The following CENPP variants were observed in gnomAD, a reference collection of about 807,000 sequenced individuals.
The protein encoded by CENPP is centromere protein P.
Under a neutral mutation model 35.6 loss-of-function variants are expected in CENPP, and 24 were observed. The observed-to-expected ratio is 0.67, with a 90% CI of 0.49 to 0.95. The LOEUF (loss-of-function observed/expected upper bound fraction) is 0.95, where lower values mean the gene tolerates loss of function less well. Among genes scored for constraint, CENPP ranks in the 40% least tolerant of loss-of-function variants. The pLI is 0.00. For synonymous variants in CENPP, 120 were observed against 125.5 expected (o/e 0.96, Z 0.29); for missense variants, 332 against 345.3 (o/e 0.96, Z 0.31).
chr9:92,352,047 C>T (rs1841462071), intron 4 of CENPP, among the ~76,000 whole-genome samples: 1 of 146,170 alleles, frequency 6.8e-6, no homozygotes, highest in African/African-American at 2.5e-5. Flanking sequence ...TTTTTAAGCA[C>T]CACACAAGCT....
chr9:92,537,364 T>A (rs1326863326), intron 5 of CENPP, among the ~76,000 whole-genome samples: 1 of 152,080 alleles, frequency 6.6e-6, no homozygotes, highest in Non-Finnish European at 1.5e-5. Context: ...TATCTATTTT[T>A]AAAAATGTAA....
chr9:92,542,439 G>A (rs1849337591), intron 5 of CENPP, among the ~76,000 whole-genome samples: 1 of 150,972 alleles, frequency 6.6e-6, no homozygotes, highest in South Asian at 2.1e-4. Context: ...TGTGCTTTTG[G>A]AATTATATTC....
Position 92,615,833 on chromosome 9 carries a change from T to TA in CENPP, c.*2685dup, listed in dbSNP as rs767903418. On this transcript the variant is annotated 3_prime_UTR_variant, in exon 8 of 8. Transcript: ENST00000375587. ...TTCAAAGACACTGCAGGGAAAGAGTTAGACCTTGTGGAGAACTAATGTGCA... is the reference window on the plus strand; with the variant it reads ...TTCAAAGACACTGCAGGGAAAGAGTTAAGACCTTGTGGAGAACTAATGTGCA... 1.9e-6 allele frequency: 3 copies of TA among 1,608,900 alleles called. No homozygotes were observed. The highest frequency in any genetic ancestry group is 2.6e-6 in the Non-Finnish European group (3 of 1,175,300).
intron 5 of CENPP, among the ~76,000 whole-genome samples, chr9:92,410,812 T>TTTA (rs1194748500): frequency 1.3e-5 from 2 of 152,208 alleles, no homozygotes; most frequent in Non-Finnish European, 2.9e-5. Flanking sequence ...CTTTATGTGC[T>TTTA]TTATTATACC....
chr9:92,480,043 A>G (rs1226560487), intron 5 of CENPP, among the ~76,000 whole-genome samples: 1 of 152,190 alleles, frequency 6.6e-6, no homozygotes, highest in Non-Finnish European at 1.5e-5. Flanking sequence ...TTTTGAGTTT[A>G]TTAATGAGGT....
At chr9:92,436,024 A>G (rs752635466) in intron 5 of CENPP, among the ~76,000 whole-genome samples, 8 of 152,246 alleles carry the variant, frequency 5.3e-5, no homozygotes, top group Non-Finnish European at 1.0e-4. Flanking sequence ...CATTCCCACG[A>G]ACAGTGTATG....
chr9:92,453,035 C>T (rs1424131230), intron 5 of CENPP, among the ~76,000 whole-genome samples: 3 of 152,026 alleles, frequency 2.0e-5, no homozygotes, highest in Non-Finnish European at 2.9e-5. Context: ...TTTTGTTGAT[C>T]CTTTCAAAAA....
chr9:92,422,074 A>G (rs1843818955), intron 5 of CENPP, among the ~76,000 whole-genome samples: 1 of 151,692 alleles, frequency 6.6e-6, no homozygotes, highest in African/African-American at 2.4e-5. Context: ...TTTGGAGACA[A>G]GAGTCTCGTG....
intron 5 of CENPP, among the ~76,000 whole-genome samples, chr9:92,452,733 C>T (rs1343841086): frequency 6.6e-6 from 1 of 152,110 alleles, no homozygotes; most frequent in East Asian, 1.9e-4. Context: ...TGGTCCTGGA[C>T]TCTTTTTGGT....
In CENPP at chr9:92,469,892, G is replaced by A. The variant is rs1004304344; in HGVS notation, c.564+90033G>A. Among the ~76,000 whole-genome samples, 3 of 152,308 alleles carry A rather than the reference G, an allele frequency of 2.0e-5. No individual in the cohort carries two copies. In the Middle Eastern group the frequency reaches 0.01, roughly 518 times the overall value. On this transcript the variant is annotated intron_variant, in intron 5 of 7. Coordinates refer to ENST00000375587, the MANE Select transcript of CENPP (RefSeq NM_001012267.3). The stretch of plus-strand genomic sequence containing the variant: ...TTGGTTTGTTTTTGTTTTTAAGACA[G>A]GGTCTTACTGTGTCACCCAGGCTAG...
chr9:92,529,347 G>A (rs777175167), intron 5 of CENPP, among the ~76,000 whole-genome samples: 7 of 152,080 alleles, frequency 4.6e-5, no homozygotes, highest in Non-Finnish European at 7.4e-5. Context: ...AGTCTCATTC[G>A]GTGCTGGTGG....
chr9:92,515,742 A>G (rs995522832), intron 5 of CENPP, among the ~76,000 whole-genome samples: 1 of 152,194 alleles, frequency 6.6e-6, no homozygotes, highest in Non-Finnish European at 1.5e-5. Flanking sequence ...TCATAACATC[A>G]TCCTCTGAAA....
intron 4 of CENPP, among the ~76,000 whole-genome samples, chr9:92,347,314 A>G (rs549267735): frequency 3.3e-5 from 5 of 152,372 alleles, no homozygotes; most frequent in Admixed American, 3.3e-4. Context: ...TGGAAATTAC[A>G]AAAGGAAGAG....
intron 4 of CENPP, among the ~76,000 whole-genome samples, chr9:92,358,914 G>A (rs938496166): frequency 1.4e-5 from 2 of 147,768 alleles, no homozygotes; most frequent in Admixed American, 6.7e-5. Context: ...TTCATTTCAC[G>A]AGGCCATTCT....
intron 5 of CENPP, among the ~76,000 whole-genome samples, chr9:92,605,717 A>G (rs187737178): frequency 1.3e-5 from 2 of 152,298 alleles, no homozygotes; most frequent in Admixed American, 1.3e-4. Flanking sequence ...ATAAATGTAA[A>G]TCTCTGTGAC....
chr9:92,482,065 A>T (rs1845930766), intron 5 of CENPP, among the ~76,000 whole-genome samples: 1 of 152,132 alleles, frequency 6.6e-6, no homozygotes, highest in South Asian at 2.1e-4. Flanking sequence ...TGAAAAAAAA[A>T]GTCACATAAT....
At chr9:92,332,855 A>C (rs1221321774) in intron 2 of CENPP, among the ~76,000 whole-genome samples, 5 of 151,074 alleles carry the variant, frequency 3.3e-5, no homozygotes, top group Admixed American at 6.6e-5. Flanking sequence ...AAGAACAGAC[A>C]CAGTTTCTTT....
At chr9:92,390,064 G>GA (rs775291999) in intron 5 of CENPP, 11 of 1,499,462 alleles carry the variant, frequency 7.3e-6, no homozygotes, top group South Asian at 7.2e-5. Flanking sequence ...TAGCTAGAGG[G>GA]AAAAAAATAT....
intron 4 of CENPP, among the ~76,000 whole-genome samples, chr9:92,359,940 T>C (rs544874682): frequency 6.6e-6 from 1 of 152,222 alleles, no homozygotes; most frequent in East Asian, 1.9e-4. Context: ...TTAATCACAA[T>C]TTACCATCCA....
Sources: gnomAD v4.1 joint callset for allele counts (sites outside exome capture counted in the v4.1 genomes callset) on GRCh38, gnomAD v4.1.1 for gene constraint, MANE v1.5 for transcripts, NCBI Gene and HGNC (gene_info 2026-07-23, HGNC 2026-07-21) for gene names.